Variants in SNRK observed in about 807,000 individuals in gnomAD.
SNRK encodes the protein SNF related kinase.
Under a neutral mutation model 48.2 loss-of-function variants are expected in SNRK, and 3 were observed. The observed-to-expected ratio is 0.06, with a 90% CI of 0.03 to 0.16. SNRK has a LOEUF of 0.16. Ranked by LOEUF, SNRK falls within the 10% of genes least tolerant of loss-of-function variation. SNRK has a pLI of 1.00. For missense variants in SNRK, 627 were observed against 976.0 expected, an observed-to-expected ratio of 0.64 and a Z score of 4.76; for synonymous variants, 376 against 366.1, an observed-to-expected ratio of 1.03 and a Z score of -0.31.
At chr3:43,329,863 C>T (rs943499026) in intron 3 of SNRK, among the ~76,000 whole-genome samples, 24 of 152,152 alleles carry the variant, frequency 1.6e-4, no homozygotes, top group South Asian at 2.1e-4. Flanking sequence ...AAGTTTTCTT[C>T]GGTCAAATAA....
intron 6 of SNRK, among the ~76,000 whole-genome samples, chr3:43,346,418 T>A (rs938072705): frequency 2.0e-5 from 3 of 152,228 alleles, no homozygotes; most frequent in African/African-American, 7.2e-5. Flanking sequence ...AGACGTTTAT[T>A]CAGAATAGCA....
In SNRK at chr3:43,348,017, A is replaced by G. The variant is rs34730190; in HGVS notation, c.1758A>G (p.Pro586=). Residue 586 remains proline (P), a synonymous_variant, in exon 7 of 7, where the codon CCA becomes CCG. Transcript: ENST00000296088. ...GGGATGGCGGGGGCCAGAGCAAGCC[A>G]AGCAATGCCAGTGGAGGGGTGGACA... The part of the protein sequence containing the change: ...SEGDGGGQSK[P]SNASGGVDKA... The G allele has an allele frequency of 5.4e-3, 8,697 of 1,611,912 alleles. 373 individuals carry two copies. In the African/African-American group the frequency reaches 0.093, roughly 17 times the overall value.
intron 4 of SNRK, among the ~76,000 whole-genome samples, chr3:43,337,727 C>T (rs1342945136): frequency 2.0e-5 from 3 of 152,092 alleles, no homozygotes; most frequent in Non-Finnish European, 4.4e-5. Flanking sequence ...GAAGGGGAAG[C>T]AAGGCACCTT....
Position 43,303,838 on chromosome 3 carries a change from T to C in SNRK, c.589+46T>C, listed in dbSNP as rs373286977. 189 of 1,341,408 alleles carry C rather than the reference T, an allele frequency of 1.4e-4. No individual in the cohort carries two copies. The highest frequency in any genetic ancestry group is 1.8e-4 in the Non-Finnish European group (170 of 952,686). 83.1% of individuals were successfully genotyped at this position (1,341,408 alleles called of 1,614,324 possible). A position where few individuals can be genotyped will look rare whatever the true frequency, so the allele number is the denominator to read the frequency against. On this transcript the variant is annotated intron_variant, in intron 3 of 6. Transcript: ENST00000296088. This position sits in a 1 kb window ranked among gnomAD's most constrained non-coding sequence, Gnocchi z 6.2. ...ATTTGGCCATTTGAATTCTGCCAGC[T>C]AGAGTTGGTCAGATCGGTTGTTTAT...
At position 43,347,921 on chromosome 3, in the gene SNRK, C is replaced by T. The variant is rs755102935; in HGVS notation, c.1662C>T (p.Leu554=). Residue 554 remains leucine (L), a synonymous_variant, in exon 7 of 7, where the codon CTC becomes CTT. Transcript: ENST00000296088. The surrounding 1 kb of genome is among the most constrained non-coding windows in gnomAD (Gnocchi z 5.4). ...SDDDSESRRR[L]DKDSGFTYSW... ...ATGATTCTGAAAGCCGGCGGCGGCT[C>T]GATAAAGATAGCGGGTTCACCTACT... 2.5e-5 allele frequency: 41 copies of T among 1,614,012 alleles called. No individual in the cohort carries two copies. Among genetic ancestry groups the T allele is most frequent in the Non-Finnish European group, 3.1e-5 (37 of 1,180,050 alleles).
Position 43,348,869 on chromosome 3 carries a change from C to A in SNRK, c.*312C>A. On this transcript the variant is annotated 3_prime_UTR_variant, in exon 7 of 7. Transcript: ENST00000296088. ...GAGCACTTAGAAATTTGTTGTTCTGCACTTAACCTAGAGAGAGAAAAAATG... is the reference window on the plus strand; with the variant it reads ...GAGCACTTAGAAATTTGTTGTTCTGAACTTAACCTAGAGAGAGAAAAAATG... The A allele has an allele frequency of 4.3e-6, 1 of 234,046 alleles. No individual in the cohort carries two copies. 14.5% of individuals were successfully genotyped at this position (234,046 alleles called of 1,614,324 possible).
intron 3 of SNRK, among the ~76,000 whole-genome samples, chr3:43,304,428 T>C (rs1156670693): frequency 6.6e-6 from 1 of 152,186 alleles, no homozygotes; most frequent in East Asian, 1.9e-4. Context: ...ATTCTGGAAT[T>C]GTGGTACCTT....
chr3:43,287,025 C>G (rs2090770753), intron 1 of SNRK, among the ~76,000 whole-genome samples: 1 of 149,868 alleles, frequency 6.7e-6, no homozygotes, highest in Non-Finnish European at 1.5e-5. Flanking sequence ...CATCCCCGCG[C>G]CCCGCCCCGG....
chr3:43,341,145 T>C (rs977044349), intron 5 of SNRK, among the ~76,000 whole-genome samples: 3 of 152,040 alleles, frequency 2.0e-5, no homozygotes, highest in Non-Finnish European at 2.9e-5. Flanking sequence ...GCCAGTTGTT[T>C]TTTTGTTTTT....
chr3:43,326,945 G>A (rs2091101087), intron 3 of SNRK, among the ~76,000 whole-genome samples: 1 of 152,100 alleles, frequency 6.6e-6, no homozygotes, highest in Admixed American at 6.6e-5. Flanking sequence ...CTAGAGTATC[G>A]ATAAAACCAG....
chr3:43,345,049 A>G (rs1017142901), intron 6 of SNRK, among the ~76,000 whole-genome samples: 5 of 152,238 alleles, frequency 3.3e-5, no homozygotes, highest in Admixed American at 2.6e-4. Context: ...CTTTGAGCCC[A>G]GGAGTTCATG....
intron 3 of SNRK, among the ~76,000 whole-genome samples, chr3:43,331,853 A>G (rs895459105): frequency 6.6e-6 from 1 of 152,214 alleles, no homozygotes; most frequent in African/African-American, 2.4e-5. Context: ...TGGGAAAAAT[A>G]GCAGTGTGTT....
Position 43,303,279 on chromosome 3 carries a change from C to A in SNRK, c.76C>A (p.His26Asn). Residue 26 changes from histidine to asparagine, a missense_variant, in exon 3 of 7, where the codon CAT becomes AAT. Physicochemically the swap from His to Asn is moderately conservative, Grantham distance 68. Around this residue, in one of 4 missense-constraint regions of SNRK, gnomAD observed 147 missense variants for 356.8 expected, o/e 0.41. Coordinates refer to ENST00000296088, the MANE Select transcript of SNRK (RefSeq NM_017719.5). This position sits in a 1 kb window ranked among gnomAD's most constrained non-coding sequence, Gnocchi z 6.2. ...YDLDKTLGRG[H>N]FAVVKLARHV... Reference sequence around the variant, plus strand: ...TCTGGATAAAACCTTGGGTCGAGGCCATTTTGCCGTGGTTAAACTTGCCAG... The same window carrying A: ...TCTGGATAAAACCTTGGGTCGAGGCAATTTTGCCGTGGTTAAACTTGCCAG... The A allele has an allele frequency of 6.2e-7, 1 of 1,614,098 alleles. No homozygotes were observed.
intron 4 of SNRK, among the ~76,000 whole-genome samples, chr3:43,336,384 G>A (rs922510098): frequency 1.3e-5 from 2 of 151,894 alleles, no homozygotes; most frequent in African/African-American, 4.8e-5. Context: ...CTGGAATACA[G>A]TGGTAAAATC....
chr3:43,345,384 A>G (rs2091267710), intron 6 of SNRK, among the ~76,000 whole-genome samples: 1 of 152,198 alleles, frequency 6.6e-6, no homozygotes, highest in Admixed American at 6.5e-5. Flanking sequence ...AATGGCAACT[A>G]GCTGGGCAGG....
chr3:43,295,341 A>G (rs1370870277), intron 1 of SNRK, among the ~76,000 whole-genome samples: 2 of 152,252 alleles, frequency 1.3e-5, no homozygotes, highest in East Asian at 3.8e-4. Flanking sequence ...TCATTGCCTC[A>G]AGAAACTGGA....
At chr3:43,342,643 G>C (rs1403853359) in intron 5 of SNRK, among the ~76,000 whole-genome samples, 1 of 152,212 alleles carries the variant, frequency 6.6e-6, no homozygotes, top group Non-Finnish European at 1.5e-5. Flanking sequence ...CAAAGCCAAA[G>C]CACACTCCTA....
chr3:43,330,412 G>A (rs1277584859), intron 3 of SNRK, among the ~76,000 whole-genome samples: 2 of 152,182 alleles, frequency 1.3e-5, no homozygotes, highest in Non-Finnish European at 2.9e-5. Flanking sequence ...TTGCAATAAA[G>A]GGAGAATAAT....
intron 4 of SNRK, among the ~76,000 whole-genome samples, chr3:43,333,944 G>A (rs769470048): frequency 6.6e-6 from 1 of 151,984 alleles, no homozygotes; most frequent in Non-Finnish European, 1.5e-5. Context: ...TCAGGAGTTC[G>A]AGACCAGCCT....
Sources: allele counts gnomAD v4.1 joint callset (sites outside exome capture counted in the v4.1 genomes callset), GRCh38; gene constraint gnomAD v4.1.1; regional missense constraint gnomAD v4.1.1; non-coding constraint Gnocchi (gnomAD v3.1); transcripts MANE v1.5; gene names NCBI Gene and HGNC (gene_info 2026-07-23, HGNC 2026-07-21).